Variants in ZNF410 observed in about 807,000 individuals in gnomAD.
ZNF410 encodes another partner for ARF 1.
Under a neutral mutation model 54.8 loss-of-function variants are expected in ZNF410, and 18 were observed. That is an observed-to-expected ratio of 0.33 (90% CI 0.23 to 0.49). ZNF410 has a LOEUF of 0.49. ZNF410 is among the 20% of genes least tolerant of loss of function. ZNF410 has a pLI of 0.99. For missense variants in ZNF410, 405 were observed against 569.6 expected, an observed-to-expected ratio of 0.71 and a Z score of 2.94; for synonymous variants, 191 against 207.3, an observed-to-expected ratio of 0.92 and a Z score of 0.68.
Position 73,893,929 on chromosome 14 carries a change from C to G in ZNF410, c.166C>G (p.Pro56Ala). Residue 56 changes from proline to alanine, a missense_variant, in exon 3 of 12, where the codon CCA becomes GCA. Coordinates refer to ENST00000555044, the MANE Select transcript of ZNF410 (RefSeq NM_021188.3). ...EASECSRLML[P>A]DDTTNHSNSS... is the part of the protein sequence containing the mutation. ...CTCAGAATGCAGTCGGCTAATGTTACCAGGTAAAAATTAAGATCACTAGAA... is the reference window on the plus strand; with the variant it reads ...CTCAGAATGCAGTCGGCTAATGTTAGCAGGTAAAAATTAAGATCACTAGAA... The G allele has an allele frequency of 6.2e-7, 1 of 1,607,074 alleles. No individual in the cohort carries two copies. The highest frequency in any genetic ancestry group is 8.5e-7 in the Non-Finnish European group (1 of 1,177,966).
chr14:73,896,397 C>T lies in ZNF410; in HGVS notation c.251C>T (p.Pro84Leu). 6.2e-7 allele frequency: 1 copy of T among 1,614,132 alleles called. No individual in the cohort carries two copies. Among genetic ancestry groups the T allele is most frequent in the Non-Finnish European group, 8.5e-7 (1 of 1,180,026 alleles). ...AGAAGCCTTCGGGTGAATGTGGGTC[C>T]AGACGGAGAGGAGACGAGAGCTCAG... ...VLRSLRVNVG[P>L]DGEETRAQTV... Residue 84 changes from proline to leucine, a missense_variant, in exon 4 of 12, where the codon CCA becomes CTA. This residue lies in a region of ZNF410 where 247 missense variants were observed against 342.8 expected (regional missense o/e 0.72). Coordinates refer to ENST00000555044, the MANE Select transcript of ZNF410 (RefSeq NM_021188.3).
intron 2 of ZNF410, among the ~76,000 whole-genome samples, chr14:73,892,633 C>T (rs2055249474): frequency 6.6e-6 from 1 of 151,930 alleles, no homozygotes; most frequent in South Asian, 2.1e-4. Context: ...TTGTTGTTCA[C>T]TTTTCTTACT....
chr14:73,904,498 T>C lies in ZNF410; in HGVS notation c.731+388T>C, dbSNP rs547416368. ...TTTGTTTAAGAGACAGGATCTCACT[T>C]TGTCACCCAGGGTGGAGTACAGTGG... is the stretch of plus-strand genomic sequence containing the variant. On this transcript the variant is annotated intron_variant, in intron 6 of 11. Coordinates refer to ENST00000555044, the MANE Select transcript of ZNF410 (RefSeq NM_021188.3). Among the ~76,000 whole-genome samples the C allele has an allele frequency of 2.6e-5, 4 of 152,292 alleles. No individual in the cohort carries two copies. The South Asian group carries it at 8.3e-4, about 32-fold the overall frequency.
In ZNF410 at chr14:73,918,686, CTTTTTTTTTT is replaced by C. The variant is rs71115932; in HGVS notation, c.1004-2275_1004-2266del. Among the ~76,000 whole-genome samples, 44 of 74,642 alleles carry C rather than the reference CTTTTTTTTTT, an allele frequency of 5.9e-4. 1 individual carries two copies. The highest frequency in any genetic ancestry group is 2.2e-3 in the African/African-American group (35 of 15,774). 49.0% of individuals were successfully genotyped at this position (74,642 alleles called of 152,430 possible). ...GCCTGTTCTGGACATTTCATATGGC[CTTTTTTTTTT>C]TTTTTTTTTTTTTTTTTTCCCCTAA... On this transcript the variant is annotated intron_variant, in intron 8 of 11. Transcript: ENST00000555044.
intron 6 of ZNF410, 61 bp downstream of exon 6, chr14:73,904,171 A>G: frequency 3.8e-6 from 6 of 1,562,484 alleles, no homozygotes; most frequent in Non-Finnish European, 5.2e-6. Flanking sequence ...ATTCTTCCAG[A>G]GGAACTTGCC....
Position 73,929,896 on chromosome 14 carries a change from A to G in ZNF410, c.1399-1607A>G, listed in dbSNP as rs142277615. Among the ~76,000 whole-genome samples the G allele has an allele frequency of 3.0e-3, 457 of 152,076 alleles. 1 individual carries two copies. Among genetic ancestry groups the G allele is most frequent in the African/African-American group, 0.01 (424 of 41,492 alleles). ...TCTCTGGTTCAGGTGGACAATCTCT[A>G]TTTTCCCTCATTATTGTGCCACATC... On this transcript the variant is annotated intron_variant, in intron 11 of 11. Transcript: ENST00000555044.
Position 73,889,600 on chromosome 14 carries a change from A to C in ZNF410, c.-149-2427A>C, listed in dbSNP as rs114112398. ...TGTGGGTGGGAGTCCTGGCTTTGCA[A>C]CTTAATAACTTGGTAATTAAGTAAT... is the stretch of plus-strand genomic sequence containing the variant. On this transcript the variant is annotated intron_variant, in intron 1 of 11. Coordinates refer to ENST00000555044, the MANE Select transcript of ZNF410 (RefSeq NM_021188.3). Among the ~76,000 whole-genome samples, 669 of 152,200 alleles carry C rather than the reference A, an allele frequency of 4.4e-3. 6 individuals carry two copies. Among genetic ancestry groups the C allele is most frequent in the African/African-American group, 0.016 (652 of 41,538 alleles).
intron 11 of ZNF410, among the ~76,000 whole-genome samples, chr14:73,927,629 T>C (rs1043486684): frequency 4.6e-5 from 7 of 152,182 alleles, no homozygotes; most frequent in East Asian, 1.9e-4. Context: ...GAAAATTTAA[T>C]TCATTCAGCG....
chr14:73,893,817 G>A lies in ZNF410; in HGVS notation c.54G>A (p.Gln18=). 6.2e-7 allele frequency: 1 copy of A among 1,611,974 alleles called. No individual in the cohort carries two copies. Among genetic ancestry groups the A allele is most frequent in the Non-Finnish European group, 8.5e-7 (1 of 1,179,500 alleles). Residue 18 remains glutamine (Q), a synonymous_variant, in exon 3 of 12, where the codon CAG becomes CAA. Coordinates refer to ENST00000555044, the MANE Select transcript of ZNF410 (RefSeq NM_021188.3). ...SKPELLVQFV[Q]NTSIPLGQGL... ...CCCAGCTCCTGGTACAGTTTGTTCA[G>A]AATACGTCCATCCCATTGGGACAGG...
At chr14:73,906,040 C>G (rs2055485593) in intron 7 of ZNF410, among the ~76,000 whole-genome samples, 1 of 145,916 alleles carries the variant, frequency 6.9e-6, no homozygotes, top group African/African-American at 2.6e-5. Context: ...TGCTCTGTTG[C>G]CAGGCTGGAG....
intron 5 of ZNF410, among the ~76,000 whole-genome samples, chr14:73,899,581 G>T (rs898635614): frequency 6.6e-6 from 1 of 152,146 alleles, no homozygotes; most frequent in African/African-American, 2.4e-5. Context: ...TTACATTGAA[G>T]AAATAGTGTC....
chr14:73,909,619 A>G (rs1438862949), intron 8 of ZNF410, 189 bp downstream of exon 8: 7 of 500,976 alleles, frequency 1.4e-5, no homozygotes, highest in Non-Finnish European at 2.5e-5. Flanking sequence ...GGGGGGGGAC[A>G]TCTAATTATT....
intron 11 of ZNF410, among the ~76,000 whole-genome samples, chr14:73,926,849 C>T (rs2055840588): frequency 1.3e-5 from 2 of 152,120 alleles, no homozygotes; most frequent in Admixed American, 1.3e-4. Context: ...CTGGTAGTTA[C>T]ATTTAGAGGT....
chr14:73,923,943 T>C (rs749381429), intron 11 of ZNF410, among the ~76,000 whole-genome samples: 4 of 152,170 alleles, frequency 2.6e-5, no homozygotes, highest in Non-Finnish European at 5.9e-5. Context: ...AGCAAGTATT[T>C]CCTAGAGATC....
At chr14:73,908,289 TTA>T (rs2055523212) in intron 7 of ZNF410, among the ~76,000 whole-genome samples, 1 of 152,244 alleles carries the variant, frequency 6.6e-6, no homozygotes, top group South Asian at 2.1e-4. Flanking sequence ...CATTACATTC[TTA>T]TGTAGAATCT....
At chr14:73,918,993 C>T (rs1475547233) in intron 8 of ZNF410, among the ~76,000 whole-genome samples, 1 of 131,222 alleles carries the variant, frequency 7.6e-6, no homozygotes, top group African/African-American at 2.9e-5. Flanking sequence ...CCACCGTGCC[C>T]GGCCTTTTTT....
intron 8 of ZNF410, 112 bp from the exon 9 acceptor site, chr14:73,920,868 G>T: frequency 7.1e-7 from 1 of 1,402,980 alleles, no homozygotes; most frequent in Non-Finnish European, 9.7e-7. Context: ...AATGGGAAAA[G>T]GAGCAGCTGC....
intron 11 of ZNF410, among the ~76,000 whole-genome samples, chr14:73,925,075 C>T (rs1179446643): frequency 6.6e-6 from 1 of 152,198 alleles, no homozygotes; most frequent in African/African-American, 2.4e-5. Context: ...TCTCTAATAT[C>T]TTTGGGGGTA....
intron 7 of ZNF410, among the ~76,000 whole-genome samples, chr14:73,909,089 C>T (rs1485925260): frequency 2.6e-5 from 4 of 152,168 alleles, no homozygotes; most frequent in African/African-American, 7.2e-5. Flanking sequence ...AACTCTCCAG[C>T]TCTTGGGCCA....
Sources: gnomAD v4.1 joint callset for allele counts (sites outside exome capture counted in the v4.1 genomes callset) on GRCh38, gnomAD v4.1.1 for gene constraint, gnomAD v4.1.1 regional missense constraint, MANE v1.5 for transcripts, NCBI Gene and HGNC (gene_info 2026-07-23, HGNC 2026-07-21) for gene names.